AFG1L: variants seen among roughly 807,000 people sequenced by gnomAD.
AFG1L encodes AFG1 like ATPase, also known as AFG1-like ATPase.
Under a neutral mutation model 62.2 loss-of-function variants are expected in AFG1L, and 53 were observed. The observed-to-expected ratio is 0.85, with a 90% CI of 0.68 to 1.07. The LOEUF (loss-of-function observed/expected upper bound fraction) is 1.07, where lower values mean the gene tolerates loss of function less well. AFG1L is among the 50% of genes least tolerant of loss of function. The pLI, the probability that AFG1L is intolerant of heterozygous loss-of-function variation, is 0.00. For synonymous variants in AFG1L, 228 were observed against 210.3 expected (o/e 1.08, Z -0.73); for missense variants, 555 against 590.5 (o/e 0.94, Z 0.62).
At chr6:108,505,467 CAA>C (rs1330051734) in intron 10 of AFG1L, among the ~76,000 whole-genome samples, 2 of 151,948 alleles carry the variant, frequency 1.3e-5, no homozygotes, top group Admixed American at 1.3e-4. Flanking sequence ...TATGAGGAGA[CAA>C]GACATTGTGA....
chr6:108,382,001 T>G (rs1276999665), intron 6 of AFG1L, among the ~76,000 whole-genome samples: 3 of 149,184 alleles, frequency 2.0e-5, no homozygotes, highest in East Asian at 1.9e-4. Flanking sequence ...TTCACTGTTT[T>G]TTTTTTTTTT....
rs538139604 is a variant in AFG1L at position 108,363,661 on chromosome 6, CT to C, written c.649-2570del. On this transcript the variant is annotated intron_variant, in intron 5 of 12. Transcript: ENST00000368977. ...TTAAAAATGTTATTTCTTCATATCT[CT>C]TCTGAGAGGGACACTAAATAGATGT... Among the ~76,000 whole-genome samples, 65 of 151,514 alleles carry C rather than the reference CT, an allele frequency of 4.3e-4. No individual in the cohort carries two copies. In the East Asian group the frequency reaches 0.012, roughly 29 times the overall value.
chr6:108,433,670 G>A (rs1235578008), intron 7 of AFG1L, among the ~76,000 whole-genome samples: 4 of 152,108 alleles, frequency 2.6e-5, no homozygotes, highest in African/African-American at 2.4e-5. Context: ...TCAGCTCACT[G>A]CAACCTCTGC....
At chr6:108,402,438 T>C (rs1562136646) in intron 7 of AFG1L, among the ~76,000 whole-genome samples, 1 of 136,740 alleles carries the variant, frequency 7.3e-6, no homozygotes, top group African/African-American at 2.8e-5. Flanking sequence ...CACTCTAGCC[T>C]GGGTGACAGG....
At chr6:108,515,237 A>C (rs1010090800) in intron 11 of AFG1L, among the ~76,000 whole-genome samples, 1 of 152,216 alleles carries the variant, frequency 6.6e-6, no homozygotes, top group African/African-American at 2.4e-5. Flanking sequence ...AATTGACCAC[A>C]TAGTTGGAAG....
chr6:108,369,665 A>G (rs562589820), intron 6 of AFG1L, among the ~76,000 whole-genome samples: 8 of 151,658 alleles, frequency 5.3e-5, no homozygotes, highest in Non-Finnish European at 7.4e-5. Context: ...ACTGGGGTGC[A>G]GTGCGCGATC....
chr6:108,342,829 C>T (rs1337228589), intron 2 of AFG1L, among the ~76,000 whole-genome samples: 1 of 151,850 alleles, frequency 6.6e-6, no homozygotes, highest in African/African-American at 2.4e-5. Context: ...TATTAAAATC[C>T]CCGTCTTATA....
chr6:108,323,168 G>C (rs76151988), intron 1 of AFG1L, among the ~76,000 whole-genome samples: 3,387 of 152,208 alleles, frequency 0.022, 119 homozygotes, highest in African/African-American at 0.077. Flanking sequence ...ACCAGAATTA[G>C]GGTTTACTCA....
intron 1 of AFG1L, among the ~76,000 whole-genome samples, chr6:108,316,313 G>A (rs1217087906): frequency 2.4e-4 from 32 of 134,012 alleles, no homozygotes; most frequent in African/African-American, 7.7e-4. Flanking sequence ...CCCGGGAGGC[G>A]GAGCTTGCAG....
In AFG1L at chr6:108,519,801, G is replaced by A; in HGVS notation, c.1308G>A (p.Gly436=). Residue 436 remains glycine (G), a synonymous_variant, in exon 12 of 13, where the codon GGG becomes GGA. Transcript: ENST00000368977. ...GCAGAATACTGATGGATGATTTGGG[G>A]CTGAGCCAGGTAGGCGATATTAACA... ...EQSRILMDDL[G]LSQDSAEGLS... is the part of the protein sequence containing the mutation. 1 of 1,599,854 alleles carries A rather than the reference G, an allele frequency of 6.3e-7. No homozygotes were observed. Among genetic ancestry groups the A allele is most frequent in the African/African-American group, 1.3e-5 (1 of 74,458 alleles).
intron 10 of AFG1L, among the ~76,000 whole-genome samples, chr6:108,477,835 C>T (rs917963669): frequency 3.3e-5 from 5 of 152,108 alleles, no homozygotes; most frequent in African/African-American, 1.2e-4. Flanking sequence ...TGTATATGCA[C>T]ACATTCATAT....
At position 108,323,709 on chromosome 6, in the gene AFG1L, G is replaced by A. The variant is rs1052043094; in HGVS notation, c.140-116G>A. The A allele has an allele frequency of 6.0e-6, 4 of 661,746 alleles. No homozygotes were observed. In the African/African-American group the frequency reaches 7.3e-5, roughly 12 times the overall value. 41.0% of individuals were successfully genotyped at this position (661,746 alleles called of 1,614,324 possible). On this transcript the variant is annotated intron_variant, in intron 1 of 12. Coordinates refer to ENST00000368977, the MANE Select transcript of AFG1L (RefSeq NM_145315.5). ...TATCAAAATGACATTTACAAAAACT[G>A]CTCCAATAGATATACTTGTAACTAG...
chr6:108,334,192 A>G (rs1013451257), intron 2 of AFG1L, among the ~76,000 whole-genome samples: 3 of 152,060 alleles, frequency 2.0e-5, no homozygotes, highest in African/African-American at 7.2e-5. Context: ...TTTTTAGTAG[A>G]TGCTGTGTTT....
intron 6 of AFG1L, among the ~76,000 whole-genome samples, chr6:108,384,168 A>G (rs543482051): frequency 4.1e-4 from 63 of 152,156 alleles, no homozygotes; most frequent in Non-Finnish European, 7.9e-4. Context: ...GCCTCAGGGC[A>G]GGGTAAAGTC....
intron 11 of AFG1L, 122 bp downstream of exon 11, chr6:108,510,474 C>A: frequency 1.4e-6 from 1 of 712,086 alleles, no homozygotes; most frequent in East Asian, 2.8e-5. Context: ...TGCCTCCATT[C>A]CCTCATGTGT....
At position 108,323,961 on chromosome 6, in the gene AFG1L, AC is replaced by A; in HGVS notation, c.277del (p.His93IlefsTer21). On this transcript the variant is annotated frameshift_variant, in exon 2 of 13. Transcript: ENST00000368977. LOFTEE classifies it high-confidence loss of function. ...AAGCTCATGAGCTAAAGGATGATGAACATCAAAGAAGAGTCATACAGTGTTT... is the reference window on the plus strand; with the variant it reads ...AAGCTCATGAGCTAAAGGATGATGAAATCAAAGAAGAGTCATACAGTGTTT... ...IKAHELKDDE[H>X]QRRVIQCLQK... 1 of 1,614,208 alleles carries A rather than the reference AC, an allele frequency of 6.2e-7. No homozygotes were observed. Among genetic ancestry groups the A allele is most frequent in the Non-Finnish European group, 8.5e-7 (1 of 1,180,000 alleles).
chr6:108,366,574 T>TG (rs1779768457), intron 6 of AFG1L, among the ~76,000 whole-genome samples: 2 of 151,420 alleles, frequency 1.3e-5, no homozygotes, highest in South Asian at 4.2e-4. Flanking sequence ...TTTTGTTTTT[T>TG]TTTTTCCCTA....
intron 1 of AFG1L, among the ~76,000 whole-genome samples, chr6:108,316,780 C>T (rs1777621293): frequency 6.6e-6 from 1 of 152,058 alleles, no homozygotes; most frequent in Non-Finnish European, 1.5e-5. Context: ...GATCTGCCCG[C>T]CTTGGCCTCC....
At chr6:108,303,871 T>C (rs573671217) in intron 1 of AFG1L, among the ~76,000 whole-genome samples, 2 of 152,372 alleles carry the variant, frequency 1.3e-5, no homozygotes, top group East Asian at 3.9e-4. Flanking sequence ...GATGTCTTTA[T>C]TAAATAGTAT....
Sources: allele counts gnomAD v4.1 joint callset (sites outside exome capture counted in the v4.1 genomes callset), GRCh38; gene constraint gnomAD v4.1.1; transcripts MANE v1.5; gene names NCBI Gene and HGNC (gene_info 2026-07-23, HGNC 2026-07-21).